Variants in RPS6KA2 observed in about 807,000 individuals in gnomAD.
RPS6KA2 encodes ribosomal protein S6 kinase A2, also known as ribosomal protein S6 kinase alpha-2.
Under a neutral mutation model 91.8 loss-of-function variants are expected in RPS6KA2, and 42 were observed. The observed-to-expected ratio is 0.46, with a 90% CI of 0.36 to 0.59. The LOEUF is 0.59. Ranked by LOEUF, RPS6KA2 falls within the 20% of genes least tolerant of loss-of-function variation. The probability of loss-of-function intolerance (pLI) is 0.00; values close to 1 mark genes in which losing one functional copy is unlikely to be tolerated. For missense variants in RPS6KA2, 798 were observed against 978.5 expected (o/e 0.82, Z 2.46); for synonymous variants, 414 against 393.6 (o/e 1.05, Z -0.61).
chr6:166,699,152 T>A (rs1320519142), intron 2 of RPS6KA2, among the ~76,000 whole-genome samples: 1 of 152,018 alleles, frequency 6.6e-6, no homozygotes, highest in Non-Finnish European at 1.5e-5. Context: ...TTGCATGAGA[T>A]TTAAAGAAGC....
chr6:166,721,035 G>A (rs1185188496), intron 2 of RPS6KA2, among the ~76,000 whole-genome samples: 3 of 152,206 alleles, frequency 2.0e-5, no homozygotes, highest in Non-Finnish European at 4.4e-5. Context: ...CCACTAGTCT[G>A]TGTACCTCTT....
At position 166,513,941 on chromosome 6, in the gene RPS6KA2, A is replaced by G. The variant is rs567206079; in HGVS notation, c.299-3584T>C. The stretch of plus-strand genomic sequence containing the variant: ...AAACATTTTCAGAAGGCTCTCCTGC[A>G]GAATTTAGTCTTGCACCCGCTCCTG... On this transcript the variant is annotated intron_variant, in intron 3 of 20. Coordinates refer to ENST00000265678, the MANE Select transcript of RPS6KA2 (RefSeq NM_021135.6). Among the ~76,000 whole-genome samples the G allele has an allele frequency of 9.2e-5, 14 of 152,310 alleles. No individual in the cohort carries two copies. The South Asian group carries it at 2.9e-3, about 32-fold the overall frequency.
At chr6:166,574,142 GTTT>G (rs571181657) in intron 1 of RPS6KA2, among the ~76,000 whole-genome samples, 257 of 152,280 alleles carry the variant, frequency 1.7e-3, no homozygotes, top group Middle Eastern at 3.4e-3. Context: ...GTGCAAGAGG[GTTT>G]TTTAATTTTT....
intron 2 of RPS6KA2, among the ~76,000 whole-genome samples, chr6:166,827,328 C>T (rs1780075231): frequency 6.7e-6 from 1 of 149,102 alleles, no homozygotes; most frequent in Non-Finnish European, 1.5e-5. Context: ...GCCTGTCCAA[C>T]CTCGGACTGT....
rs1483890108 is a variant in RPS6KA2, at chr6:166,733,022, C to A, written c.123+125178G>T. Among the ~76,000 whole-genome samples the A allele has an allele frequency of 1.3e-5, 2 of 152,162 alleles. No individual in the cohort carries two copies. Among genetic ancestry groups the A allele is most frequent in the African/African-American group, 4.8e-5 (2 of 41,430 alleles). On this transcript the variant is annotated intron_variant, in intron 2 of 21. Coordinates refer to the RPS6KA2 transcript ENST00000503859. The surrounding 1 kb of genome is among the most constrained non-coding windows in gnomAD (Gnocchi z 4.1). ...CTTATGCATTTGCCCAGTTTTGCAT[C>A]GGATTTCTGGAGGTTTGGGACCCTC...
At chr6:166,509,098 G>A (rs973114638) in intron 4 of RPS6KA2, among the ~76,000 whole-genome samples, 1 of 152,198 alleles carries the variant, frequency 6.6e-6, no homozygotes, top group Non-Finnish European at 1.5e-5. Flanking sequence ...TTTTCTAAAA[G>A]TAAATGCTAG....
chr6:166,490,262 G>A lies in RPS6KA2; in HGVS notation c.818+409C>T, dbSNP rs2072833. On this transcript the variant is annotated intron_variant, in intron 9 of 20. Transcript: ENST00000265678. The surrounding 1 kb of genome is among the most constrained non-coding windows in gnomAD (Gnocchi z 4.2). ...AGACCCCTGCTCCTGTGATCTCTCC[G>A]GACAAGGCCCTGGAGGCCTTGTGTC... 0.25 allele frequency among the ~76,000 whole-genome samples: 37,418 copies of A among 152,058 alleles called. 5,477 individuals carry two copies. The highest frequency in any genetic ancestry group is 0.52 in the East Asian group (2,668 of 5,146).
At chr6:166,647,018 G>A (rs1263138577) in intron 2 of RPS6KA2, among the ~76,000 whole-genome samples, 2 of 152,162 alleles carry the variant, frequency 1.3e-5, no homozygotes, top group East Asian at 3.9e-4. Context: ...CAGAGCCACA[G>A]GTCCCAAAGC....
At chr6:166,517,457 T>G (rs1228510247) in intron 3 of RPS6KA2, among the ~76,000 whole-genome samples, 5 of 16,330 alleles carry the variant, frequency 3.1e-4, no homozygotes, top group Non-Finnish European at 5.3e-4. Context: ...TTTGTTTTGT[T>G]TTTTTTTTTT....
rs114978282 is a variant in RPS6KA2, at chr6:166,537,052, G to A, written c.216+1616C>T. Among the ~76,000 whole-genome samples, 549 of 152,326 alleles carry A rather than the reference G, an allele frequency of 3.6e-3. 4 individuals carry two copies. The highest frequency in any genetic ancestry group is 0.011 in the African/African-American group (477 of 41,580). On this transcript the variant is annotated intron_variant, in intron 2 of 20. Transcript: ENST00000265678. Reference sequence around the variant, plus strand: ...ATCTTTAATACCCCAGTTCTGTGAGGAGGACATTGGTAAGATTCACTCTGT... The same window carrying A: ...ATCTTTAATACCCCAGTTCTGTGAGAAGGACATTGGTAAGATTCACTCTGT...
At chr6:166,756,244 C>T (rs910256655) in intron 2 of RPS6KA2, among the ~76,000 whole-genome samples, 4 of 151,794 alleles carry the variant, frequency 2.6e-5, no homozygotes, top group South Asian at 4.2e-4. Flanking sequence ...GAGCCGAGAT[C>T]GCACCACTGC....
chr6:166,623,847 G>T (rs1487639156), intron 1 of RPS6KA2, among the ~76,000 whole-genome samples: 1 of 152,130 alleles, frequency 6.6e-6, no homozygotes, highest in Non-Finnish European at 1.5e-5. Context: ...CATCTCACTT[G>T]GTTCTATGCT....
At chr6:166,704,700 A>G (rs1225635917) in intron 2 of RPS6KA2, among the ~76,000 whole-genome samples, 2 of 152,206 alleles carry the variant, frequency 1.3e-5, no homozygotes, top group Non-Finnish European at 2.9e-5. Context: ...AGAAACGAGC[A>G]CATGATGGTG....
Position 166,494,811 on chromosome 6 carries a change from G to A in RPS6KA2, c.747+3697C>T, listed in dbSNP as rs144241473. ...ACACATCCACCTCCAGGGGACGGAC[G>A]GCCACCCACACATGAGGACCACTCC... On this transcript the variant is annotated intron_variant, in intron 8 of 20. Transcript: ENST00000265678. This position sits in a 1 kb window ranked among gnomAD's most constrained non-coding sequence, Gnocchi z 5.1. 2.1e-3 allele frequency among the ~76,000 whole-genome samples: 324 copies of A among 152,260 alleles called. 4 individuals are homozygous for A. Among genetic ancestry groups the A allele is most frequent in the African/African-American group, 7.1e-3 (294 of 41,538 alleles).
intron 2 of RPS6KA2, among the ~76,000 whole-genome samples, chr6:166,844,092 G>T (rs1780552295): frequency 1.3e-5 from 2 of 151,964 alleles, no homozygotes; most frequent in Admixed American, 1.3e-4. Flanking sequence ...ACAACTTCTG[G>T]AAATCAAAGA....
intron 1 of RPS6KA2, among the ~76,000 whole-genome samples, chr6:166,575,803 G>A (rs1784821877): frequency 6.6e-6 from 1 of 152,048 alleles, no homozygotes; most frequent in Non-Finnish European, 1.5e-5. Flanking sequence ...ATTTTCAGGT[G>A]TAAAGGAGCT....
intron 2 of RPS6KA2, among the ~76,000 whole-genome samples, chr6:166,814,487 G>A (rs1459881255): frequency 6.6e-6 from 1 of 152,190 alleles, no homozygotes; most frequent in Non-Finnish European, 1.5e-5. Flanking sequence ...TTAGGAACCG[G>A]GCCACACAGC....
Position 166,517,455 on chromosome 6 carries a change from G to GTTTTTTTTTTTTTTTTTT in RPS6KA2, c.299-7116_299-7099dup, listed in dbSNP as rs71032809. 5.7e-5 allele frequency among the ~76,000 whole-genome samples: 6 copies of GTTTTTTTTTTTTTTTTTT among 104,938 alleles called. 1 individual carries two copies. The highest frequency in any genetic ancestry group is 2.7e-4 in the African/African-American group (6 of 22,524). The allele number at this position is 104,938 out of a possible 152,430, so 68.8% of individuals were successfully genotyped here. ...ACCACTTAAGGCGTTCTTTTGTTTT[G>GTTTTTTTTTTTTTTTTTT]TTTTTTTTTTTTTTTTTTTTTTTTT... On this transcript the variant is annotated intron_variant, in intron 3 of 20. Coordinates refer to ENST00000265678, the MANE Select transcript of RPS6KA2 (RefSeq NM_021135.6).
intron 2 of RPS6KA2, among the ~76,000 whole-genome samples, chr6:166,536,177 T>C (rs1783471754): frequency 6.6e-6 from 1 of 152,240 alleles, no homozygotes; most frequent in South Asian, 2.1e-4. Flanking sequence ...TGAGCCCTGT[T>C]GAAGGACTCG....
Sources: gnomAD v4.1 joint callset for allele counts (sites outside exome capture counted in the v4.1 genomes callset) on GRCh38, gnomAD v4.1.1 for gene constraint, Gnocchi (gnomAD v3.1) non-coding constraint, MANE v1.5 for transcripts, NCBI Gene and HGNC (gene_info 2026-07-23, HGNC 2026-07-21) for gene names.